Variants in IHO1 observed in about 807,000 individuals in gnomAD.
IHO1 encodes interactor of HORMAD1 protein 1.
A neutral mutation model predicts 31.0 loss-of-function variants in IHO1; 13 were observed. The observed-to-expected ratio is 0.42, with a 90% CI of 0.27 to 0.67. The LOEUF is 0.67. Ranked by LOEUF, IHO1 falls within the 30% of genes least tolerant of loss-of-function variation. The pLI is 0.24. For synonymous variants in IHO1, 221 were observed against 248.4 expected (o/e 0.89, Z 1.04); for missense variants, 599 against 687.5 (o/e 0.87, Z 1.44).
chr3:49,255,558 C>CT (rs11344456), intron 7 of IHO1, 65 bp downstream of exon 7: 8,146 of 352,470 alleles, frequency 0.023, 2 homozygotes, highest in Middle Eastern at 0.037. Flanking sequence ...CAGAGAGAAA[C>CT]TTTTTTTTTT....
Position 49,253,818 on chromosome 3 carries a change from CTTTA to C in IHO1, c.533-1568_533-1565del, listed in dbSNP as rs574325085. 1.5e-3 allele frequency among the ~76,000 whole-genome samples: 212 copies of C among 139,408 alleles called. 1 individual carries two copies. The highest frequency in any genetic ancestry group is 9.6e-3 in the South Asian group (42 of 4,378). 91.5% of individuals were successfully genotyped at this position (139,408 alleles called of 152,430 possible). On this transcript the variant is annotated intron_variant, in intron 6 of 7. Transcript: ENST00000452691. ...CCCTAAGATTGCAATTTCAAGAGGGCTTTATTTGTCTTTTTTTTTTTTTTTTTTT... is the reference window on the plus strand; with the variant it reads ...CCCTAAGATTGCAATTTCAAGAGGGCTTTGTCTTTTTTTTTTTTTTTTTTT...
intron 6 of IHO1, among the ~76,000 whole-genome samples, chr3:49,246,466 G>T (rs772055155): frequency 6.6e-6 from 1 of 151,970 alleles, no homozygotes; most frequent in Non-Finnish European, 1.5e-5. Context: ...CCAAAATGAC[G>T]AAAGCCCGTC....
upstream of IHO1, among the ~76,000 whole-genome samples, chr3:49,195,557 CAA>C (rs1473557289): frequency 6.9e-6 from 1 of 144,264 alleles, no homozygotes; most frequent in Admixed American, 7.0e-5. Flanking sequence ...CTCTACTTGA[CAA>C]AAAAATTAGC....
intron 1 of IHO1, among the ~76,000 whole-genome samples, chr3:49,205,688 C>G (rs2046127093): frequency 6.6e-6 from 1 of 151,652 alleles, no homozygotes; most frequent in Non-Finnish European, 1.5e-5. Flanking sequence ...GCAGCCTCCA[C>G]CTCCTGGTTC....
At chr3:49,213,997 G>A (rs2046254931) in intron 2 of IHO1, 4 of 408,864 alleles carry the variant, frequency 9.8e-6, no homozygotes, top group South Asian at 5.1e-5. Flanking sequence ...ACCTCTCAGA[G>A]GTACCTCATA....
intron 2 of IHO1, among the ~76,000 whole-genome samples, chr3:49,217,223 G>T (rs892447368): frequency 2.0e-5 from 3 of 152,072 alleles, no homozygotes; most frequent in African/African-American, 7.2e-5. Context: ...CAATAGCAAA[G>T]ACTTGGAACT....
intron 1 of IHO1, chr3:49,200,479 G>GAAAGAAAGAAAGA (rs1559434561): frequency 2.8e-6 from 1 of 358,816 alleles, no homozygotes; most frequent in African/African-American, 4.6e-5. Context: ...AAAAAAAAAA[G>GAAAGAAAGAAAGA]AAAGAAAGAA....
At chr3:49,224,327 C>T (rs906988122) in intron 2 of IHO1, among the ~76,000 whole-genome samples, 9 of 152,172 alleles carry the variant, frequency 5.9e-5, no homozygotes, top group African/African-American at 1.4e-4. Flanking sequence ...ATCTGCCTGA[C>T]GGTTTCCTTC....
intron 2 of IHO1, chr3:49,213,988 C>T (rs1194495625): frequency 2.4e-6 from 1 of 416,142 alleles, no homozygotes; most frequent in Admixed American, 2.4e-5. Flanking sequence ...CATGCTGTCA[C>T]CTCTCAGAGG....
At chr3:49,210,807 C>T (rs1431404177) in intron 1 of IHO1, among the ~76,000 whole-genome samples, 2 of 149,576 alleles carry the variant, frequency 1.3e-5, no homozygotes, top group Middle Eastern at 3.2e-3. Context: ...AAGCAATTCT[C>T]CTGCCTCAGC....
chr3:49,211,517 T>C (rs1376390514), intron 1 of IHO1, among the ~76,000 whole-genome samples: 1 of 151,788 alleles, frequency 6.6e-6, no homozygotes. Context: ...GTGCTTGTAA[T>C]CCCAGCTACT....
chr3:49,247,222 C>T (rs1440948834), intron 6 of IHO1, among the ~76,000 whole-genome samples: 1 of 151,026 alleles, frequency 6.6e-6, no homozygotes, highest in East Asian at 2.0e-4. Context: ...AATCCCAGCA[C>T]TTTGTGTTTT....
chr3:49,222,095 G>A (rs995971684), intron 2 of IHO1, among the ~76,000 whole-genome samples: 8 of 152,188 alleles, frequency 5.3e-5, no homozygotes, highest in South Asian at 2.1e-4. Flanking sequence ...GATAGATTTC[G>A]TCATTTCTTG....
intron 2 of IHO1, among the ~76,000 whole-genome samples, chr3:49,234,669 G>T (rs540421827): frequency 1.3e-5 from 2 of 152,064 alleles, no homozygotes; most frequent in Non-Finnish European, 2.9e-5. Flanking sequence ...AGGCCTATCT[G>T]TGATTGTTTT....
intron 2 of IHO1, among the ~76,000 whole-genome samples, chr3:49,222,003 T>A (rs2107700417): frequency 6.6e-6 from 1 of 152,334 alleles, no homozygotes; most frequent in Non-Finnish European, 1.5e-5. Context: ...AGTCCTCCTT[T>A]CTCAGCAGTG....
the IHO1 span, among the ~76,000 whole-genome samples, chr3:49,192,441 C>T: frequency 6.6e-6 from 1 of 152,122 alleles, no homozygotes; most frequent in African/African-American, 2.4e-5. Context: ...AACAGTTCAC[C>T]CCCTTTAACA....
intron 2 of IHO1, among the ~76,000 whole-genome samples, chr3:49,231,233 C>T (rs899169847): frequency 2.0e-5 from 3 of 152,234 alleles, no homozygotes; most frequent in African/African-American, 7.2e-5. Flanking sequence ...GGCACAAATA[C>T]AGCAAGCTTT....
intron 7 of IHO1, among the ~76,000 whole-genome samples, chr3:49,255,793 C>T (rs1450502003): frequency 6.6e-6 from 1 of 151,942 alleles, no homozygotes; most frequent in Non-Finnish European, 1.5e-5. Context: ...CCTTGTGATC[C>T]ACCTGCCTTA....
chr3:49,248,649 C>G (rs1437458332), intron 6 of IHO1, among the ~76,000 whole-genome samples: 4 of 152,056 alleles, frequency 2.6e-5, no homozygotes, highest in Non-Finnish European at 4.4e-5. Context: ...ATCACTTGAA[C>G]CTGGGAGGCA....
Sources: allele counts gnomAD v4.1 joint callset (sites outside exome capture counted in the v4.1 genomes callset), GRCh38; gene constraint gnomAD v4.1.1; transcripts MANE v1.5; gene names NCBI Gene and HGNC (gene_info 2026-07-23, HGNC 2026-07-21).